DGKH: variants seen among roughly 807,000 people sequenced by gnomAD.
DGKH encodes the protein DAG kinase eta.
In DGKH, 90 loss-of-function variants were observed where a neutral mutation model predicts 159.3. The observed-to-expected ratio is 0.57, with a 90% CI of 0.48 to 0.67. DGKH has a LOEUF of 0.67. DGKH is among the 30% of genes least tolerant of loss of function. The pLI, the probability that DGKH is intolerant of heterozygous loss-of-function variation, is 0.00. For synonymous variants in DGKH, 536 were observed against 553.8 expected (o/e 0.97, Z 0.45); for missense variants, 1,181 against 1,506.1 (o/e 0.78, Z 3.57).
In DGKH at chr13:42,151,765, G is replaced by GT. The variant is rs1197796112; in HGVS notation, c.385-3526_385-3525insT. Reference sequence around the variant, plus strand: ...GTGTTGTAATAAACATATAAGTGCAGGTATCTTTTTAATATAATGATTTCT... The same window carrying GT: ...GTGTTGTAATAAACATATAAGTGCAGTGTATCTTTTTAATATAATGATTTCT... On this transcript the variant is annotated intron_variant, in intron 3 of 29. Coordinates refer to ENST00000337343, the MANE Select transcript of DGKH (RefSeq NM_178009.5). Among the ~76,000 whole-genome samples the GT allele has an allele frequency of 2.6e-5, 4 of 151,850 alleles. No homozygotes were observed. In the East Asian group the frequency reaches 5.8e-4, roughly 22 times the overall value.
chr13:42,096,314 C>T (rs887690765), intron 1 of DGKH, among the ~76,000 whole-genome samples: 1 of 151,970 alleles, frequency 6.6e-6, no homozygotes, highest in African/African-American at 2.4e-5. Flanking sequence ...ATGTTTAGCT[C>T]CCACTTATAA....
chr13:42,160,253 C>T lies in DGKH; in HGVS notation c.855+117C>T, dbSNP rs10492444. The T allele has an allele frequency of 1.8e-5, 25 of 1,356,022 alleles. No individual in the cohort carries two copies. In the African/African-American group the frequency reaches 1.9e-4, roughly 10 times the overall value. The allele number at this position is 1,356,022 out of a possible 1,614,324, so 84.0% of individuals were successfully genotyped here. ...TGACAGAGCTGAACCTGGTAGCATA[C>T]GCATCTCATGATGACATTCTTCTTT... On this transcript the variant is annotated intron_variant, in intron 7 of 29. Transcript: ENST00000337343.
At chr13:42,098,215 G>A (rs1330015907) in intron 1 of DGKH, among the ~76,000 whole-genome samples, 2 of 152,132 alleles carry the variant, frequency 1.3e-5, no homozygotes, top group Non-Finnish European at 2.9e-5. Flanking sequence ...GCCAGGGCAC[G>A]GTGCCTCATG....
At chr13:42,155,888 C>T in intron 5 of DGKH, 89 bp downstream of exon 5, 1 of 1,504,476 alleles carries the variant, frequency 6.6e-7, no homozygotes, top group East Asian at 2.3e-5. Flanking sequence ...TAAAATTGAG[C>T]TCTCCACACA....
At chr13:42,206,362 G>A (rs1279767608) in intron 21 of DGKH, among the ~76,000 whole-genome samples, 4 of 152,106 alleles carry the variant, frequency 2.6e-5, no homozygotes, top group Admixed American at 6.6e-5. Flanking sequence ...ACAGATATTC[G>A]TATCTTGGGA....
At chr13:42,139,109 G>T (rs1183207328) in intron 3 of DGKH, among the ~76,000 whole-genome samples, 2 of 152,080 alleles carry the variant, frequency 1.3e-5, no homozygotes, top group Non-Finnish European at 2.9e-5. Flanking sequence ...AGCTCTTAAG[G>T]TTATTATTGG....
chr13:42,255,797 T>G, intron 30 of DGKH: 1 of 522,794 alleles, frequency 1.9e-6, no homozygotes, highest in Non-Finnish European at 3.3e-6. Flanking sequence ...TCTCTGTCAT[T>G]GGGTTAGGGA....
intron 3 of DGKH, among the ~76,000 whole-genome samples, chr13:42,143,840 A>T (rs1224690354): frequency 6.6e-6 from 1 of 151,908 alleles, no homozygotes; most frequent in Non-Finnish European, 1.5e-5. Flanking sequence ...TTGATCTTTT[A>T]AAAAAACCAG....
At chr13:42,218,489 G>A (rs1957867260) in intron 26 of DGKH, among the ~76,000 whole-genome samples, 1 of 132,172 alleles carries the variant, frequency 7.6e-6, no homozygotes, top group East Asian at 2.2e-4. Flanking sequence ...AGTATTATTT[G>A]TTCATGTGGT....
At chr13:42,087,066 C>G (rs192348659) in intron 1 of DGKH, among the ~76,000 whole-genome samples, 3 of 143,958 alleles carry the variant, frequency 2.1e-5, no homozygotes. Context: ...CACACACACA[C>G]ACACACACAC....
chr13:42,115,422 T>TA lies in DGKH; in HGVS notation c.193-12033dup, dbSNP rs530560656. Among the ~76,000 whole-genome samples the TA allele has an allele frequency of 7.5e-3, 1,132 of 151,906 alleles. 15 individuals are homozygous for TA. The highest frequency in any genetic ancestry group is 0.025 in the African/African-American group (1,043 of 41,424). On this transcript the variant is annotated intron_variant, in intron 1 of 29. Transcript: ENST00000337343. ...AGTCCTATAGGAGAGACCCAGGCAT[T>TA]AAAAAAAATCCCTATGCAGCATGAT...
chr13:42,216,612 C>T (rs1199613488), intron 26 of DGKH: 1 of 152,174 alleles, frequency 6.6e-6, no homozygotes, highest in Non-Finnish European at 1.5e-5. Context: ...CAGAAAAGTG[C>T]CACCTTTGGG....
At chr13:42,053,124 C>A (rs998213970) in intron 1 of DGKH, among the ~76,000 whole-genome samples, 1 of 151,668 alleles carries the variant, frequency 6.6e-6, no homozygotes, top group Non-Finnish European at 1.5e-5. Flanking sequence ...TCAGTTGAAC[C>A]CAAGAATTCA....
rs1436294322 is a variant in DGKH, at chr13:42,240,682, C to T, written c.*11494C>T. 6.6e-6 allele frequency: 1 copy of T among 152,154 alleles called. No homozygotes were observed. The highest frequency in any genetic ancestry group is 2.4e-5 in the African/African-American group (1 of 41,438). The allele number at this position is 152,154 out of a possible 1,614,324, so 9.4% of individuals were successfully genotyped here. ...GAAGGCTTGTGACTCTTATCACCCTCTATAGAATATAAAGACTAAAAATAA... is the reference window on the plus strand; with the variant it reads ...GAAGGCTTGTGACTCTTATCACCCTTTATAGAATATAAAGACTAAAAATAA... On this transcript the variant is annotated 3_prime_UTR_variant, in exon 30 of 30. Transcript: ENST00000337343.
At chr13:42,197,978 A>G (rs1051114580) in intron 17 of DGKH, among the ~76,000 whole-genome samples, 2 of 152,204 alleles carry the variant, frequency 1.3e-5, no homozygotes, top group East Asian at 3.8e-4. Context: ...AGATACCTAC[A>G]TTTAATACTT....
At chr13:42,082,122 G>C (rs1322989784) in intron 1 of DGKH, among the ~76,000 whole-genome samples, 1 of 151,582 alleles carries the variant, frequency 6.6e-6, no homozygotes, top group Non-Finnish European at 1.5e-5. Flanking sequence ...CACACCTCCT[G>C]TTGGGCTGCA....
At chr13:42,091,776 A>G (rs1954423565) in intron 1 of DGKH, among the ~76,000 whole-genome samples, 2 of 152,242 alleles carry the variant, frequency 1.3e-5, no homozygotes, top group Admixed American at 1.3e-4. Flanking sequence ...TTGAATAGAC[A>G]TTTCTTAAAA....
At chr13:42,254,225 T>G (rs1449950465) in intron 30 of DGKH, among the ~76,000 whole-genome samples, 1 of 152,216 alleles carries the variant, frequency 6.6e-6, no homozygotes, top group Non-Finnish European at 1.5e-5. Flanking sequence ...TTAATCACAG[T>G]GTGGCATGAG....
At chr13:42,112,236 G>A (rs1954876200) in intron 1 of DGKH, among the ~76,000 whole-genome samples, 1 of 149,002 alleles carries the variant, frequency 6.7e-6, no homozygotes, top group Admixed American at 6.7e-5. Flanking sequence ...AAGGTTTTAT[G>A]TAATGTTAAA....
Sources: allele counts gnomAD v4.1 joint callset (sites outside exome capture counted in the v4.1 genomes callset), GRCh38; gene constraint gnomAD v4.1.1; transcripts MANE v1.5; gene names NCBI Gene and HGNC (gene_info 2026-07-23, HGNC 2026-07-21).